Variants in SPAG11B observed in about 807,000 individuals in gnomAD.
The protein encoded by SPAG11B is sperm-associated antigen 11B.
SPAG11B carries 5 observed loss-of-function variants against 8.9 expected under a neutral mutation model. The observed-to-expected ratio is 0.56, with a 90% confidence interval of 0.29 to 1.19. The LOEUF (loss-of-function observed/expected upper bound fraction) is 1.19, where lower values mean the gene tolerates loss of function less well. SPAG11B is among the 50% of genes most tolerant of loss of function. The pLI is 0.08. For synonymous variants in SPAG11B, 12 were observed against 53.0 expected, an observed-to-expected ratio of 0.23 and a Z score of 3.36; for missense variants, 38 against 146.4, an observed-to-expected ratio of 0.26 and a Z score of 3.82.
In SPAG11B at chr8:7,450,928, A is replaced by G. The variant is rs1271548968; in HGVS notation, c.215-28T>C. 8.4e-6 allele frequency: 13 copies of G among 1,550,352 alleles called. 2 individuals carry two copies. Among genetic ancestry groups the G allele is most frequent in the Non-Finnish European group, 1.1e-5 (13 of 1,138,912 alleles). Reference sequence around the variant, plus strand: ...ATGGATACAACAGAAGAGAGTTGACATTTAACTCATATAGTGCAGAGAATA... The same window carrying G: ...ATGGATACAACAGAAGAGAGTTGACGTTTAACTCATATAGTGCAGAGAATA... On this transcript the variant is annotated intron_variant, in intron 2 of 2. Coordinates refer to ENST00000398462, the MANE Select transcript of SPAG11B (RefSeq NM_058201.4).
chr8:7,459,580 G>A (rs1393878863), intron 2 of SPAG11B, among the ~76,000 whole-genome samples: 1 of 148,328 alleles, frequency 6.7e-6, no homozygotes, highest in Non-Finnish European at 1.5e-5. Flanking sequence ...ACAATTAATT[G>A]GTAAGGAAGT....
intron 2 of SPAG11B, among the ~76,000 whole-genome samples, chr8:7,458,641 A>G (rs1810588576): frequency 8.1e-6 from 1 of 123,520 alleles, no homozygotes; most frequent in South Asian, 2.7e-4. Flanking sequence ...ATAATTAAAA[A>G]TCTAATAACT....
downstream of SPAG11B, chr8:7,447,931 G>A (rs1809902996): frequency 1.9e-6 from 2 of 1,034,726 alleles, no homozygotes; most frequent in Non-Finnish European, 2.7e-6. Flanking sequence ...GCTGCCTCCT[G>A]GCCTCTGAAG....
chr8:7,453,374 A>G (rs1389394342), intron 2 of SPAG11B, among the ~76,000 whole-genome samples: 1 of 149,186 alleles, frequency 6.7e-6, no homozygotes, highest in Non-Finnish European at 1.5e-5. Context: ...AGTGAGAAGG[A>G]TGTCTTCTCT....
intron 2 of SPAG11B, among the ~76,000 whole-genome samples, chr8:7,452,920 A>G (rs551359063): frequency 4.1e-5 from 6 of 144,922 alleles, no homozygotes; most frequent in African/African-American, 1.6e-4. Flanking sequence ...GATGTGTACA[A>G]CAACGTGGAT....
chr8:7,451,835 A>G (rs1208940094), intron 2 of SPAG11B, among the ~76,000 whole-genome samples: 1 of 151,666 alleles, frequency 6.6e-6, no homozygotes, highest in Non-Finnish European at 1.5e-5. Flanking sequence ...GGAATATTAT[A>G]AGTTTGAAGA....
downstream of SPAG11B, among the ~76,000 whole-genome samples, chr8:7,448,302 C>CAAAAA (rs71221492): frequency 2.0e-4 from 10 of 48,852 alleles, no homozygotes; most frequent in African/African-American, 5.8e-4. Flanking sequence ...AACAAGTGGT[C>CAAAAA]AAAAAAAAAA....
rs1453200715 is a variant in SPAG11B at position 7,453,367 on chromosome 8, G to A, written c.215-2467C>T. Among the ~76,000 whole-genome samples, 3 of 149,240 alleles carry A rather than the reference G, an allele frequency of 2.0e-5. 1 individual carries two copies. In the East Asian group the frequency reaches 5.8e-4, roughly 29 times the overall value. On this transcript the variant is annotated intron_variant, in intron 2 of 2. Coordinates refer to ENST00000398462, the MANE Select transcript of SPAG11B (RefSeq NM_058201.4). ...ATTCTCTTAAGCAAAAGGGGCAAGTGAGAAGGATGTCTTCTCTCCTATCCC... is the reference window on the plus strand; with the variant it reads ...ATTCTCTTAAGCAAAAGGGGCAAGTAAGAAGGATGTCTTCTCTCCTATCCC...
At chr8:7,449,567 A>G (rs1809999313), downstream of SPAG11B, among the ~76,000 whole-genome samples, 1 of 150,034 alleles carries the variant, frequency 6.7e-6, no homozygotes, top group East Asian at 2.0e-4. Context: ...TGCCTAAGAG[A>G]GACTTACTCT....
intron 2 of SPAG11B, among the ~76,000 whole-genome samples, chr8:7,453,945 T>C (rs1178307879): frequency 6.7e-6 from 1 of 148,352 alleles, no homozygotes; most frequent in Non-Finnish European, 1.5e-5. Flanking sequence ...TTACCTTAAA[T>C]GTTAGCTATG....
In SPAG11B at chr8:7,451,114, G is replaced by C. The variant is rs202097327; in HGVS notation, c.215-214C>G. On this transcript the variant is annotated intron_variant, in intron 2 of 2. Coordinates refer to ENST00000398462, the MANE Select transcript of SPAG11B (RefSeq NM_058201.4). ...AGGAGGATGATAGGGTGTGTTTTAT[G>C]AATGCTCACCTGGCCCATCTAGGCC... The C allele has an allele frequency of 9.2e-4, 1,431 of 1,549,692 alleles. 149 individuals are homozygous for C. In the African/African-American group the frequency reaches 0.018, roughly 20 times the overall value.
At chr8:7,458,658 C>G (rs201693046) in intron 2 of SPAG11B, among the ~76,000 whole-genome samples, 23,534 of 91,224 alleles carry the variant, frequency 0.26, 1,037 homozygotes, top group East Asian at 0.35. Flanking sequence ...AACTGAACTT[C>G]AAAATCCAAA....
At chr8:7,447,955 G>A (rs1300865196), downstream of SPAG11B, 14 of 1,089,516 alleles carry the variant, frequency 1.3e-5, 3 homozygotes, top group East Asian at 4.6e-4. Context: ...ATCCACCTGG[G>A]CCACCCTGAG....
intron 2 of SPAG11B, among the ~76,000 whole-genome samples, chr8:7,452,780 G>C (rs534620720): frequency 4.0e-4 from 36 of 89,556 alleles, no homozygotes; most frequent in African/African-American, 1.5e-3. Context: ...ACGTGCATTA[G>C]GAGACATGTG....
chr8:7,448,302 CAAAAAAAAA>C (rs71221492), downstream of SPAG11B, among the ~76,000 whole-genome samples: 258 of 48,868 alleles, frequency 5.3e-3, no homozygotes, highest in South Asian at 0.07. Flanking sequence ...AACAAGTGGT[CAAAAAAAAA>C]AAAAAAAAAA....
intron 2 of SPAG11B, among the ~76,000 whole-genome samples, chr8:7,457,811 GC>G (rs1195317925): frequency 7.5e-6 from 1 of 132,454 alleles, no homozygotes; most frequent in Non-Finnish European, 1.6e-5. Context: ...GTGGGTATCA[GC>G]CCCGTGTGAG....
At chr8:7,447,898 C>T, downstream of SPAG11B, 29 of 917,288 alleles carry the variant, frequency 3.2e-5, 8 homozygotes, top group Non-Finnish European at 4.1e-5. Flanking sequence ...CTGGGTGAGG[C>T]TCCTGCTCTT....
At chr8:7,451,743 A>G (rs759071454) in intron 2 of SPAG11B, among the ~76,000 whole-genome samples, 2,314 of 148,542 alleles carry the variant, frequency 0.016, 8 homozygotes, top group African/African-American at 0.056. Context: ...CCAATATCTC[A>G]TTATGTCTCC....
chr8:7,454,067 A>G (rs1258131366), intron 2 of SPAG11B, among the ~76,000 whole-genome samples: 2 of 121,076 alleles, frequency 1.7e-5, no homozygotes, highest in African/African-American at 7.4e-5. Context: ...TTCTGAAGAC[A>G]TCTCTGAAAT....
Sources: gnomAD v4.1 joint callset for allele counts (sites outside exome capture counted in the v4.1 genomes callset) on GRCh38, gnomAD v4.1.1 for gene constraint, MANE v1.5 for transcripts, NCBI Gene and HGNC (gene_info 2026-07-23, HGNC 2026-07-21) for gene names.